The following TTC39C variants were observed in gnomAD, a reference collection of about 807,000 sequenced individuals.
The protein encoded by TTC39C is tetratricopeptide repeat domain 39C.
Under a neutral mutation model 76.3 loss-of-function variants are expected in TTC39C, and 33 were observed. That is an observed-to-expected ratio of 0.43 (90% CI 0.33 to 0.58). The LOEUF (loss-of-function observed/expected upper bound fraction) is 0.58, where lower values mean the gene tolerates loss of function less well. Ranked by LOEUF, TTC39C falls within the 20% of genes least tolerant of loss-of-function variation. TTC39C has a pLI of 0.04. For missense variants in TTC39C, 595 were observed against 701.4 expected, an observed-to-expected ratio of 0.85 and a Z score of 1.71; for synonymous variants, 254 against 260.6, an observed-to-expected ratio of 0.97 and a Z score of 0.24.
chr18:24,007,675 C>T (rs1449796658), intron 1 of TTC39C, among the ~76,000 whole-genome samples: 1 of 152,226 alleles, frequency 6.6e-6, no homozygotes, highest in Admixed American at 6.5e-5. Flanking sequence ...TGAGCCACCT[C>T]ACCCAGACTA....
chr18:24,015,971 G>A (rs1471162740), intron 1 of TTC39C, among the ~76,000 whole-genome samples: 1 of 152,170 alleles, frequency 6.6e-6, no homozygotes, highest in Non-Finnish European at 1.5e-5. Context: ...TCCCCAACAC[G>A]TTTAAGGACC....
chr18:24,023,991 TA>T (rs2083560319), intron 1 of TTC39C, among the ~76,000 whole-genome samples: 1 of 5,398 alleles, frequency 1.9e-4, no homozygotes, highest in African/African-American at 5.5e-4. Flanking sequence ...CATATATATA[TA>T]TATATATATA....
intron 1 of TTC39C, chr18:24,020,012 C>G: frequency 7.0e-7 from 1 of 1,426,060 alleles, no homozygotes; most frequent in African/African-American, 1.5e-5. Flanking sequence ...TGCAGGCTGT[C>G]CATGATTTCT....
chr18:23,993,308 A>G lies in TTC39C; in HGVS notation c.-17+270A>G, dbSNP rs191537707. On this transcript the variant is annotated intron_variant, in intron 1 of 13. Coordinates refer to the TTC39C transcript ENST00000304621. Reference sequence around the variant, plus strand: ...TCTCTGCTATTTTTCAACAAATGCCAGATGTTAAAGCATTTGCATAGTATC... The same window carrying G: ...TCTCTGCTATTTTTCAACAAATGCCGGATGTTAAAGCATTTGCATAGTATC... Among the ~76,000 whole-genome samples the G allele has an allele frequency of 1.2e-4, 18 of 152,380 alleles. No homozygotes were observed. The East Asian group carries it at 3.3e-3, about 28-fold the overall frequency.
intron 1 of TTC39C, among the ~76,000 whole-genome samples, chr18:24,024,013 TA>T (rs1272245631): frequency 7.0e-4 from 16 of 23,002 alleles, no homozygotes; most frequent in African/African-American, 3.4e-3. Flanking sequence ...TATATATATA[TA>T]TATTTTTTTT....
intron 1 of TTC39C, among the ~76,000 whole-genome samples, chr18:24,024,228 G>A (rs564649805): frequency 7.3e-5 from 11 of 150,100 alleles, no homozygotes; most frequent in African/African-American, 2.0e-4. Flanking sequence ...GGTCAGGCTG[G>A]TCTTGAACGT....
chr18:24,116,934 T>A (rs2084901394), intron 7 of TTC39C, among the ~76,000 whole-genome samples: 1 of 144,628 alleles, frequency 6.9e-6, no homozygotes, highest in South Asian at 2.4e-4. Flanking sequence ...CAGGTGATCC[T>A]CCCACCCCAG....
intron 1 of TTC39C, among the ~76,000 whole-genome samples, chr18:24,041,950 G>T (rs1049235465): frequency 3.3e-5 from 5 of 151,964 alleles, no homozygotes; most frequent in African/African-American, 4.8e-5. Context: ...CATCAAGCTG[G>T]TATATGTCTT....
intron 6 of TTC39C, among the ~76,000 whole-genome samples, chr18:24,112,204 G>A (rs1018522780): frequency 4.6e-5 from 7 of 152,148 alleles, no homozygotes; most frequent in African/African-American, 1.4e-4. Context: ...GGTTGACAGT[G>A]TCCTCTTCTC....
At chr18:24,007,731 A>G (rs1599227660) in intron 1 of TTC39C, among the ~76,000 whole-genome samples, 1 of 152,344 alleles carries the variant, frequency 6.6e-6, no homozygotes, top group Admixed American at 6.5e-5. Context: ...CTTCTTCCTC[A>G]TGCTGCATTA....
At chr18:24,131,744 C>G (rs2085133052) in intron 12 of TTC39C, 138 bp from the exon 13 acceptor site, 2 of 643,986 alleles carry the variant, frequency 3.1e-6, no homozygotes, top group Non-Finnish European at 2.6e-6. Context: ...ATATTGGAGT[C>G]ATTATACTTG....
intron 6 of TTC39C, among the ~76,000 whole-genome samples, chr18:24,092,863 C>T (rs1321941005): frequency 1.3e-5 from 2 of 151,980 alleles, no homozygotes; most frequent in Admixed American, 1.3e-4. Context: ...GGTGAGTGGA[C>T]CAGTTGAGCC....
chr18:24,129,041 G>T, intron 11 of TTC39C, 58 bp downstream of exon 11: 1 of 1,335,154 alleles, frequency 7.5e-7, no homozygotes. Context: ...CTACGTATAT[G>T]CTTGTGAATA....
intron 3 of TTC39C, among the ~76,000 whole-genome samples, chr18:24,067,223 G>C (rs1301398722): frequency 6.6e-6 from 1 of 152,164 alleles, no homozygotes; most frequent in Admixed American, 6.5e-5. Flanking sequence ...TTATGATAAA[G>C]ACCAACGTTT....
chr18:24,058,994 T>G (rs1359525125), intron 1 of TTC39C, among the ~76,000 whole-genome samples: 1 of 152,208 alleles, frequency 6.6e-6, no homozygotes, highest in Non-Finnish European at 1.5e-5. Flanking sequence ...CCTGGAAGTT[T>G]TTAATGTATC....
chr18:24,082,205 AT>A lies in TTC39C; in HGVS notation c.816-697del, dbSNP rs568303586. The stretch of plus-strand genomic sequence containing the variant: ...TTTGTTTACCTAGTTTAACATGGCC[AT>A]TTTTTTTTTTAAATAATGAGTTTGG... On this transcript the variant is annotated intron_variant, in intron 5 of 13. Coordinates refer to ENST00000317571, the MANE Select transcript of TTC39C (RefSeq NM_001135993.2). 4.8e-3 allele frequency among the ~76,000 whole-genome samples: 692 copies of A among 145,518 alleles called. 1 individual carries two copies. Among genetic ancestry groups the A allele is most frequent in the Non-Finnish European group, 7.7e-3 (510 of 65,886 alleles).
chr18:24,074,948 A>C (rs1370747683), intron 4 of TTC39C, among the ~76,000 whole-genome samples: 1 of 152,216 alleles, frequency 6.6e-6, no homozygotes, highest in Non-Finnish European at 1.5e-5. Flanking sequence ...TGGCACATAT[A>C]CACCATGGAA....
chr18:24,086,047 T>C (rs926101775), intron 6 of TTC39C, among the ~76,000 whole-genome samples: 2 of 152,228 alleles, frequency 1.3e-5, no homozygotes, highest in Non-Finnish European at 2.9e-5. Context: ...AAAGGCTGTT[T>C]GTAAGGCCTT....
chr18:24,014,672 C>T (rs1422146621), upstream of TTC39C: 2 of 792,732 alleles, frequency 2.5e-6, no homozygotes, highest in South Asian at 6.3e-5. Flanking sequence ...ACGCCCACCT[C>T]CCACGCCGCG....
Sources: allele counts gnomAD v4.1 joint callset (sites outside exome capture counted in the v4.1 genomes callset), GRCh38; gene constraint gnomAD v4.1.1; transcripts MANE v1.5; gene names NCBI Gene and HGNC (gene_info 2026-07-23, HGNC 2026-07-21).